Variants in TBCK observed in about 807,000 individuals in gnomAD.
TBCK encodes the protein TBC domain-containing protein kinase-like protein.
Under a neutral mutation model 113.4 loss-of-function variants are expected in TBCK, and 99 were observed. The ratio of observed to expected loss-of-function variants is 0.87; its 90% confidence interval spans 0.74 to 1.03. The LOEUF (loss-of-function observed/expected upper bound fraction) is 1.03. Among genes scored for constraint, TBCK ranks in the 50% least tolerant of loss-of-function variants. The probability of loss-of-function intolerance (pLI) is 0.00; values close to 1 mark genes in which losing one functional copy is unlikely to be tolerated. For synonymous variants in TBCK, 369 were observed against 370.8 expected (o/e 1.00, Z 0.05); for missense variants, 1,045 against 1,061.3 (o/e 0.98, Z 0.21).
chr4:106,241,666 TA>T (rs1473229308), intron 12 of TBCK, among the ~76,000 whole-genome samples: 1 of 151,888 alleles, frequency 6.6e-6, no homozygotes, highest in African/African-American at 2.4e-5. Flanking sequence ...AGACAAGGGG[TA>T]TTTTTTTAAT....
intron 3 of TBCK, among the ~76,000 whole-genome samples, chr4:106,263,535 GAA>G (rs1217239133): frequency 6.6e-6 from 1 of 151,868 alleles, no homozygotes; most frequent in East Asian, 1.9e-4. Context: ...AAGAGTATGA[GAA>G]AGTTTTGTGG....
intron 23 of TBCK, among the ~76,000 whole-genome samples, chr4:106,125,417 G>T (rs74785291): frequency 0.018 from 2,760 of 152,052 alleles, 76 homozygotes; most frequent in African/African-American, 0.061. Flanking sequence ...AAATCCTGCC[G>T]AGTGAGGTGG....
At chr4:106,137,165 T>A (rs893811671) in intron 23 of TBCK, among the ~76,000 whole-genome samples, 4 of 140,252 alleles carry the variant, frequency 2.9e-5, no homozygotes, top group Non-Finnish European at 6.5e-5. Context: ...AATATCATAT[T>A]CTTGGAATGA....
At chr4:106,132,024 G>A (rs1214361114) in intron 23 of TBCK, among the ~76,000 whole-genome samples, 2 of 152,176 alleles carry the variant, frequency 1.3e-5, no homozygotes, top group African/African-American at 4.8e-5. Flanking sequence ...GCATTCAAGA[G>A]GAAGCAGAGC....
At chr4:106,204,751 ATT>A (rs34775295) in intron 20 of TBCK, among the ~76,000 whole-genome samples, 1,944 of 87,126 alleles carry the variant, frequency 0.022, 11 homozygotes, top group African/African-American at 0.084. Context: ...ACAAACAATG[ATT>A]TTTTTTTTTT....
chr4:106,077,069 C>T (rs1305985884), intron 25 of TBCK, among the ~76,000 whole-genome samples: 1 of 151,950 alleles, frequency 6.6e-6, no homozygotes, highest in Non-Finnish European at 1.5e-5. Flanking sequence ...CTACTGCACT[C>T]CAGCTGGGGA....
intron 12 of TBCK, among the ~76,000 whole-genome samples, chr4:106,240,467 T>G (rs928884057): frequency 6.6e-6 from 1 of 151,952 alleles, no homozygotes; most frequent in African/African-American, 2.4e-5. Flanking sequence ...AAAGAATAGG[T>G]TCAGCAATGT....
chr4:106,252,236 C>CAGCATT (rs1560912557), intron 5 of TBCK, among the ~76,000 whole-genome samples: 1 of 152,052 alleles, frequency 6.6e-6, no homozygotes, highest in Non-Finnish European at 1.5e-5. Flanking sequence ...TGTCTCCCTC[C>CAGCATT]AGCATTAGCT....
intron 25 of TBCK, among the ~76,000 whole-genome samples, chr4:106,054,216 C>A (rs1383412295): frequency 6.6e-6 from 1 of 151,674 alleles, no homozygotes; most frequent in Non-Finnish European, 1.5e-5. Flanking sequence ...AACTCCCCAA[C>A]TCCCCATCAT....
At chr4:106,205,111 G>GA (rs1176927376) in intron 20 of TBCK, among the ~76,000 whole-genome samples, 1 of 152,114 alleles carries the variant, frequency 6.6e-6, no homozygotes, top group East Asian at 1.9e-4. Flanking sequence ...GTTACTTTAA[G>GA]AAAAAATGAG....
At chr4:106,057,182 C>T (rs933732722) in intron 25 of TBCK, among the ~76,000 whole-genome samples, 12 of 151,610 alleles carry the variant, frequency 7.9e-5, no homozygotes, top group Admixed American at 4.6e-4. Flanking sequence ...TTTGTTCACT[C>T]TGAGGGCTAC....
chr4:106,083,984 G>T (rs368751509), intron 25 of TBCK, among the ~76,000 whole-genome samples: 1 of 152,148 alleles, frequency 6.6e-6, no homozygotes, highest in Non-Finnish European at 1.5e-5. Context: ...AGATGGGAAA[G>T]AATCAACAAA....
rs1049306568 is a variant in TBCK at position 106,309,549 on chromosome 4, G to A, written c.-29-560C>T. Among the ~76,000 whole-genome samples the A allele has an allele frequency of 3.3e-5, 5 of 151,706 alleles. No homozygotes were observed. The East Asian group carries it at 9.7e-4, about 29-fold the overall frequency. Reference sequence around the variant, plus strand: ...GAACTCCTGACCTCGTGATCCACCCGCCTCGGCCTCTCAAAGTGCTGGGAT... The same window carrying A: ...GAACTCCTGACCTCGTGATCCACCCACCTCGGCCTCTCAAAGTGCTGGGAT... On this transcript the variant is annotated intron_variant, in intron 1 of 25. Transcript: ENST00000394708.
chr4:106,155,820 A>G (rs1412401512), intron 23 of TBCK, among the ~76,000 whole-genome samples: 3 of 152,082 alleles, frequency 2.0e-5, no homozygotes, highest in Admixed American at 2.0e-4. Context: ...GAGTTTCCTA[A>G]AACAGCTAGT....
At chr4:106,048,311 T>C (rs1734437272) in intron 25 of TBCK, among the ~76,000 whole-genome samples, 1 of 152,140 alleles carries the variant, frequency 6.6e-6, no homozygotes, top group Non-Finnish European at 1.5e-5. Context: ...TAACCCTACT[T>C]ATCTTCTCTG....
At chr4:106,307,822 G>C (rs1352774346) in intron 2 of TBCK, among the ~76,000 whole-genome samples, 1 of 151,912 alleles carries the variant, frequency 6.6e-6, no homozygotes, top group African/African-American at 2.4e-5. Flanking sequence ...GAATCTTTAA[G>C]TGGAGAATGA....
chr4:106,193,855 T>C, intron 21 of TBCK, 85 bp from the exon 22 acceptor site: 2 of 873,196 alleles, frequency 2.3e-6, no homozygotes, highest in Non-Finnish European at 3.4e-6. Context: ...GTTCTATAAT[T>C]ATTACCTTAT....
At chr4:106,200,101 T>C (rs1197700765) in intron 20 of TBCK, among the ~76,000 whole-genome samples, 2 of 152,228 alleles carry the variant, frequency 1.3e-5, no homozygotes, top group Non-Finnish European at 2.9e-5. Flanking sequence ...GTCTACTGGC[T>C]GCTCCTCCAC....
chr4:106,193,729 A>T lies in TBCK; in HGVS notation c.1939T>A (p.Leu647Ile). 3 of 1,604,382 alleles carry T rather than the reference A, an allele frequency of 1.9e-6. No homozygotes were observed. The highest frequency in any genetic ancestry group is 2.5e-6 in the Non-Finnish European group (3 of 1,177,060). Residue 647 changes from leucine to isoleucine, a missense_variant, in exon 22 of 26, where the codon TTA becomes ATA. Leu to Ile is a conservative substitution (Grantham distance 5). Coordinates refer to ENST00000394708, the MANE Select transcript of TBCK (RefSeq NM_001163435.3). ...GGGAAAGAGGAATTCCCAAGTAGTAAGGTATCCCAGAGGTGGAAAATTTTG... is the reference window on the plus strand; with the variant it reads ...GGGAAAGAGGAATTCCCAAGTAGTATGGTATCCCAGAGGTGGAAAATTTTG... ...LHKIFHLWDTLLLGNSSFPFC... is the reference protein window; with the variant it reads ...LHKIFHLWDTILLGNSSFPFC...
Sources: gnomAD v4.1 joint callset for allele counts (sites outside exome capture counted in the v4.1 genomes callset) on GRCh38, gnomAD v4.1.1 for gene constraint, MANE v1.5 for transcripts, NCBI Gene and HGNC (gene_info 2026-07-23, HGNC 2026-07-21) for gene names.